OGG1: variants seen among roughly 807,000 people sequenced by gnomAD.
The protein encoded by OGG1 is 8-oxoguanine DNA glycosylase.
In OGG1, 35 loss-of-function variants were observed where a neutral mutation model predicts 42.3. That is an observed-to-expected ratio of 0.83 (90% CI 0.63 to 1.10). OGG1 has a LOEUF of 1.10. OGG1 is among the 50% of genes least tolerant of loss of function. The pLI, the probability that OGG1 is intolerant of heterozygous loss-of-function variation, is 0.00. For synonymous variants in OGG1, 189 were observed against 179.0 expected (o/e 1.06, Z -0.44); for missense variants, 484 against 446.7 (o/e 1.08, Z -0.75).
At chr3:9,761,615 C>T (rs1395872026), downstream of OGG1, 1 of 1,613,980 alleles carries the variant, frequency 6.2e-7, no homozygotes, top group Non-Finnish European at 8.5e-7. Context: ...CAGCCCCAGC[C>T]CAGGGCCCTC....
downstream of OGG1, chr3:9,757,845 TG>T: frequency 6.2e-7 from 1 of 1,603,664 alleles, no homozygotes; most frequent in Non-Finnish European, 8.5e-7. This position sits in a 1 kb window ranked among gnomAD's most constrained non-coding sequence, Gnocchi z 4.5. Context: ...ATTGAAGGCT[TG>T]CTGGCATTGA....
rs1483563209 is a variant in OGG1, at chr3:9,756,798, T to C, written c.930T>C (p.Tyr310=). 1.2e-6 allele frequency: 2 copies of C among 1,614,104 alleles called. No individual in the cohort carries two copies. Among genetic ancestry groups the C allele is most frequent in the African/African-American group, 1.3e-5 (1 of 75,024 alleles). The stretch of plus-strand genomic sequence containing the variant: ...TTTTCCGGAGCCTGTGGGGACCTTA[T>C]GCTGGCTGGGCCCAAGCGGTGAGTG... The part of the protein sequence containing the change: ...GNFFRSLWGP[Y]AGWAQAVLFS... The change falls in exon 6 of 7, where the codon TAT becomes TAC. Residue 310 remains tyrosine (Y), a synonymous_variant. Coordinates refer to ENST00000344629, the MANE Select transcript of OGG1 (RefSeq NM_002542.6).
chr3:9,777,487 GTC>G (rs1453111100), intron 2 of OGG1, among the ~76,000 whole-genome samples: 2 of 152,108 alleles, frequency 1.3e-5, no homozygotes, highest in African/African-American at 4.8e-5. Flanking sequence ...ATCTCTTTGA[GTC>G]TCTGTGTCAT....
At chr3:9,790,745 G>A (rs2078709587), downstream of OGG1, among the ~76,000 whole-genome samples, 1 of 152,140 alleles carries the variant, frequency 6.6e-6, no homozygotes, top group Admixed American at 6.6e-5. Flanking sequence ...ACTAAGGTAG[G>A]TCCTATTATT....
chr3:9,782,806 A>AAG (rs2078510176), intron 3 of OGG1, among the ~76,000 whole-genome samples: 1 of 150,634 alleles, frequency 6.6e-6, no homozygotes. Context: ...AAAAAAAAAA[A>AAG]GGCCAAATGA....
rs761895687 is a variant in OGG1, at chr3:9,756,639, C to T, written c.898+18C>T. The T allele has an allele frequency of 6.2e-7, 1 of 1,612,322 alleles. No homozygotes were observed. Among genetic ancestry groups the T allele is most frequent in the Admixed American group, 1.7e-5 (1 of 59,988 alleles). ...GGAACTGGGTGAGGAAAGTGGGCTG[C>T]AGGGGCTGGCAGTGGGCTGGGATGG... On this transcript the variant is annotated intron_variant, in intron 5 of 6. Coordinates refer to ENST00000344629, the MANE Select transcript of OGG1 (RefSeq NM_002542.6).
chr3:9,776,249 G>A (rs2078361833), intron 2 of OGG1, among the ~76,000 whole-genome samples: 1 of 152,030 alleles, frequency 6.6e-6, no homozygotes, highest in Non-Finnish European at 1.5e-5. Context: ...CCTTTTGTCT[G>A]GAATGTTATC....
At chr3:9,786,640 G>C (rs1301639944) in intron 3 of OGG1, among the ~76,000 whole-genome samples, 1 of 152,150 alleles carries the variant, frequency 6.6e-6, no homozygotes, top group East Asian at 1.9e-4. Context: ...TGTGTATAAA[G>C]CCCCTCCAAC....
chr3:9,763,367 G>T, intron 7 of OGG1: 1 of 277,946 alleles, frequency 3.6e-6, no homozygotes. Context: ...ACTAGCCACT[G>T]CACTCCAGCC....
intron 2 of OGG1, among the ~76,000 whole-genome samples, chr3:9,778,098 ATGT>A (rs930878777): frequency 2.6e-5 from 4 of 152,228 alleles, no homozygotes; most frequent in Admixed American, 6.5e-5. Flanking sequence ...TGTAAATGGG[ATGT>A]TATTATGGGG....
rs1332803166 is a variant in OGG1 at position 9,774,997 on chromosome 3, C to T, written c.295-6516C>T. On this transcript the variant is annotated intron_variant, in intron 2 of 3. Coordinates refer to the OGG1 transcript ENST00000426518. ...TTTTGGCTGGGCTCATGCCTATAAT[C>T]CCAGCACTTTGGGAGGCCGAGGCAG... Among the ~76,000 whole-genome samples, 5 of 147,990 alleles carry T rather than the reference C, an allele frequency of 3.4e-5. No homozygotes were observed. The East Asian group carries it at 9.9e-4, about 29-fold the overall frequency.
intron 3 of OGG1, chr3:9,781,603 G>A (rs1004170961): frequency 4.4e-6 from 2 of 456,120 alleles, no homozygotes; most frequent in Non-Finnish European, 8.8e-6. Flanking sequence ...GACAGGAGGT[G>A]GGTGAGACAC....
chr3:9,763,066 T>C (rs767787016), intron 7 of OGG1: 1 of 1,613,988 alleles, frequency 6.2e-7, no homozygotes, highest in Admixed American at 1.7e-5. Context: ...CAGCAGGGGA[T>C]AGGGCAGTCT....
chr3:9,784,137 G>A (rs2078548023), intron 3 of OGG1: 11 of 1,613,992 alleles, frequency 6.8e-6, no homozygotes, highest in Middle Eastern at 3.3e-4. Flanking sequence ...TCTGCGGGGC[G>A]GTCCTCAGAC....
rs558738366 is a variant in OGG1 at position 9,786,360 on chromosome 3, C to A, written c.383-1368C>A. On this transcript the variant is annotated intron_variant, in intron 3 of 3. Coordinates refer to the OGG1 transcript ENST00000426518. ...GATATGAGATAGAGACCTGCCCCTT[C>A]CCCTACCTTAGATAACCTGCAACAT... Among the ~76,000 whole-genome samples the A allele has an allele frequency of 3.4e-4, 52 of 152,300 alleles. 1 individual carries two copies. The South Asian group carries it at 0.011, about 31-fold the overall frequency.
At chr3:9,781,210 T>G (rs887393024) in intron 2 of OGG1, among the ~76,000 whole-genome samples, 1 of 151,764 alleles carries the variant, frequency 6.6e-6, no homozygotes, top group South Asian at 2.1e-4. Context: ...CTTTGGGAGA[T>G]GGAGGCAGGA....
chr3:9,751,745 T>A, intron 2 of OGG1, 25 bp from the exon 3 acceptor site: 1 of 1,612,154 alleles, frequency 6.2e-7, no homozygotes, highest in Non-Finnish European at 8.5e-7. Context: ...GTACCTCTCC[T>A]ACCCCCTGCA....
chr3:9,768,678 A>T (rs1160514605), downstream of OGG1, among the ~76,000 whole-genome samples: 1 of 152,230 alleles, frequency 6.6e-6, no homozygotes, highest in Admixed American at 6.5e-5. Context: ...CATTCAGAGA[A>T]CACAGCCTCC....
At chr3:9,789,482 A>G (rs2078688494), downstream of OGG1, 1 of 1,596,908 alleles carries the variant, frequency 6.3e-7, no homozygotes, top group Admixed American at 1.7e-5. Flanking sequence ...GTTCCGCATC[A>G]TGTCTATCAA....
Sources: gnomAD v4.1 joint callset for allele counts (sites outside exome capture counted in the v4.1 genomes callset) on GRCh38, gnomAD v4.1.1 for gene constraint, Gnocchi (gnomAD v3.1) non-coding constraint, MANE v1.5 for transcripts, NCBI Gene and HGNC (gene_info 2026-07-23, HGNC 2026-07-21) for gene names.